CAST: variants seen among roughly 807,000 people sequenced by gnomAD.
CAST encodes MIR583 host.
A neutral mutation model predicts 119.6 loss-of-function variants in CAST; 76 were observed. The ratio of observed to expected loss-of-function variants is 0.64; its 90% CI spans 0.53 to 0.77. The LOEUF is 0.77. CAST is among the 30% of genes least tolerant of loss of function. The probability of loss-of-function intolerance (pLI) is 0.00; values close to 1 mark genes in which losing one functional copy is unlikely to be tolerated. For missense variants in CAST, 953 were observed against 946.5 expected (o/e 1.01, Z -0.09); for synonymous variants, 319 against 331.6 (o/e 0.96, Z 0.41).
intron 1 of CAST, among the ~76,000 whole-genome samples, chr5:96,644,899 C>T (rs905462983): frequency 2.0e-5 from 3 of 152,204 alleles, no homozygotes; most frequent in African/African-American, 7.2e-5. Context: ...TCGCTTGAGC[C>T]TGGGAGGCAG....
chr5:96,135,957 A>C, the CAST span, among the ~76,000 whole-genome samples: 1 of 152,106 alleles, frequency 6.6e-6, no homozygotes, highest in African/African-American at 2.4e-5. Context: ...GCTACTCGGG[A>C]GACTGAGGCA....
At chr5:96,201,118 ATCT>A in the CAST span, among the ~76,000 whole-genome samples, 2 of 152,152 alleles carry the variant, frequency 1.3e-5, no homozygotes, top group Non-Finnish European at 1.5e-5. Context: ...GTTTAGAATT[ATCT>A]GCAATAAAAT....
chr5:96,491,166 C>A, the CAST span, among the ~76,000 whole-genome samples: 3 of 152,216 alleles, frequency 2.0e-5, no homozygotes, highest in African/African-American at 2.4e-5. Context: ...TGTGATATAT[C>A]TGTACACTCA....
chr5:96,169,009 C>T, the CAST span, among the ~76,000 whole-genome samples: 1 of 152,124 alleles, frequency 6.6e-6, no homozygotes, highest in Non-Finnish European at 1.5e-5. Context: ...ACAGTAAGGT[C>T]AAGTTGTTTG....
intron 1 of CAST, among the ~76,000 whole-genome samples, chr5:96,615,840 T>G (rs1747445548): frequency 6.6e-6 from 1 of 152,126 alleles, no homozygotes; most frequent in South Asian, 2.1e-4. Flanking sequence ...TAAATATATA[T>G]TAGAGTTTAT....
the CAST span, among the ~76,000 whole-genome samples, chr5:96,159,967 TAAA>T: frequency 5.3e-4 from 76 of 142,292 alleles, no homozygotes; most frequent in African/African-American, 5.2e-4. Context: ...CTGTCTCTAC[TAAA>T]AAAAAAAAAA....
At chr5:96,071,454 T>G in the CAST span, among the ~76,000 whole-genome samples, 1 of 152,162 alleles carries the variant, frequency 6.6e-6, no homozygotes, top group Admixed American at 6.5e-5. Context: ...GCTTCCCTTT[T>G]TTCCATCCCT....
intron 1 of CAST, among the ~76,000 whole-genome samples, chr5:96,542,270 C>T (rs138890500): frequency 0.016 from 2,424 of 150,560 alleles, 68 homozygotes; most frequent in African/African-American, 0.057. Flanking sequence ...GAGATCGCGC[C>T]ACTGCACTCC....
Position 96,748,104 on chromosome 5 carries a change from C to T in CAST, c.1333-414C>T, listed in dbSNP as rs77623631. 6.3e-3 allele frequency among the ~76,000 whole-genome samples: 953 copies of T among 152,270 alleles called. 11 individuals are homozygous for T. The highest frequency in any genetic ancestry group is 0.022 in the African/African-American group (901 of 41,544). ...GGTAGCAGAACTTTGCTGCCAAAAT[C>T]CTGCATAATCATAGAAACGGAGTAT... On this transcript the variant is annotated intron_variant, in intron 18 of 31. Transcript: ENST00000675179.
At chr5:96,441,752 G>A in the CAST span, among the ~76,000 whole-genome samples, 1 of 152,176 alleles carries the variant, frequency 6.6e-6, no homozygotes, top group Non-Finnish European at 1.5e-5. Context: ...GAGGCACACA[G>A]AGAAAATAGT....
the CAST span, among the ~76,000 whole-genome samples, chr5:96,003,413 C>T: frequency 2.6e-3 from 392 of 151,814 alleles, 3 homozygotes; most frequent in African/African-American, 9.1e-3. Flanking sequence ...TGGCGGGCGC[C>T]TGTAGTCCCA....
At chr5:96,493,024 A>G in the CAST span, among the ~76,000 whole-genome samples, 1 of 152,242 alleles carries the variant, frequency 6.6e-6, no homozygotes, top group Non-Finnish European at 1.5e-5. Flanking sequence ...AATACTTTAA[A>G]AGGTCAATAC....
the CAST span, among the ~76,000 whole-genome samples, chr5:96,491,018 T>C: frequency 6.6e-6 from 1 of 151,996 alleles, no homozygotes; most frequent in Non-Finnish European, 1.5e-5. Flanking sequence ...TATATAACTC[T>C]TATAATCAAT....
the CAST span, among the ~76,000 whole-genome samples, chr5:96,250,952 AAAGGTACAGAGGTACAAAGGTACAG>A: frequency 1.3e-5 from 2 of 152,096 alleles, no homozygotes; most frequent in Non-Finnish European, 2.9e-5. Context: ...AAGGTACAGA[AAAGGTACAGAGGTACAAAGGTACAG>A]AAGGTACAGA....
At chr5:96,664,822 C>T (rs1749111551) in intron 1 of CAST, among the ~76,000 whole-genome samples, 1 of 152,070 alleles carries the variant, frequency 6.6e-6, no homozygotes, top group Non-Finnish European at 1.5e-5. Context: ...TTACATGTAG[C>T]ATTTGATTGA....
At chr5:96,044,948 G>T in the CAST span, among the ~76,000 whole-genome samples, 1 of 152,150 alleles carries the variant, frequency 6.6e-6, no homozygotes. Context: ...TCAAGAGAGT[G>T]GTTACCTTTG....
At chr5:96,420,265 T>C in the CAST span, among the ~76,000 whole-genome samples, 3 of 152,160 alleles carry the variant, frequency 2.0e-5, no homozygotes, top group Non-Finnish European at 4.4e-5. Context: ...CACCCTTTAC[T>C]CTGGGAATTG....
chr5:96,725,323 G>A (rs879801531), intron 4 of CAST, among the ~76,000 whole-genome samples: 2 of 152,182 alleles, frequency 1.3e-5, no homozygotes, highest in African/African-American at 2.4e-5. Context: ...GACTGTGTAA[G>A]GAAACATAAT....
chr5:96,362,233 T>C, the CAST span, among the ~76,000 whole-genome samples: 1 of 152,170 alleles, frequency 6.6e-6, no homozygotes, highest in Non-Finnish European at 1.5e-5. Context: ...CAGTCTATCA[T>C]TGATGGACAT....
Sources: gnomAD v4.1 joint callset for allele counts (sites outside exome capture counted in the v4.1 genomes callset) on GRCh38, gnomAD v4.1.1 for gene constraint, MANE v1.5 for transcripts, NCBI Gene and HGNC (gene_info 2026-07-23, HGNC 2026-07-21) for gene names.